The following PTPRD variants were observed in gnomAD, a reference collection of about 807,000 sequenced individuals.
PTPRD encodes the protein protein tyrosine phosphatase receptor type D, also known as receptor-type tyrosine-protein phosphatase delta.
A neutral mutation model predicts 214.5 loss-of-function variants in PTPRD; 34 were observed. That is an observed-to-expected ratio of 0.16 (90% CI 0.12 to 0.21). PTPRD has a LOEUF of 0.21. Ranked by LOEUF, PTPRD falls within the 10% of genes least tolerant of loss-of-function variation. The pLI is 1.00. For synonymous variants in PTPRD, 1,128 were observed against 845.7 expected (o/e 1.33, Z -5.79); for missense variants, 2,545 against 2,398.7 (o/e 1.06, Z -1.27).
At chr9:8,619,580 A>C (rs971170318) in intron 14 of PTPRD, among the ~76,000 whole-genome samples, 1 of 151,984 alleles carries the variant, frequency 6.6e-6, no homozygotes, top group Non-Finnish European at 1.5e-5. Context: ...GTCTTCTTTA[A>C]TGCCTTTTTA....
intron 35 of PTPRD, among the ~76,000 whole-genome samples, chr9:8,431,840 C>T (rs1449622109): frequency 6.6e-6 from 1 of 152,192 alleles, no homozygotes; most frequent in Non-Finnish European, 1.5e-5. Flanking sequence ...ATGCTGGCCT[C>T]ATAAAATGAG....
chr9:9,061,143 G>C (rs377496069), intron 10 of PTPRD, among the ~76,000 whole-genome samples: 1 of 152,166 alleles, frequency 6.6e-6, no homozygotes, highest in East Asian at 1.9e-4. Context: ...GAGACTGTCA[G>C]GGTACCGGCT....
intron 35 of PTPRD, among the ~76,000 whole-genome samples, chr9:8,411,324 T>C (rs1397764908): frequency 6.6e-6 from 1 of 152,142 alleles, no homozygotes; most frequent in Non-Finnish European, 1.5e-5. Flanking sequence ...TTTATTTTTT[T>C]TGTGGCAGGG....
At chr9:9,079,707 G>A (rs1190822415) in intron 10 of PTPRD, among the ~76,000 whole-genome samples, 3 of 152,066 alleles carry the variant, frequency 2.0e-5, no homozygotes, top group East Asian at 1.9e-4. Context: ...ACAGCTGACA[G>A]AAACACTTTA....
At chr9:8,835,918 G>C (rs953551205) in intron 11 of PTPRD, among the ~76,000 whole-genome samples, 1 of 152,066 alleles carries the variant, frequency 6.6e-6, no homozygotes. Flanking sequence ...TCTCCCATTA[G>C]AATGGAAGCT....
chr9:9,353,506 A>G (rs964367113), intron 9 of PTPRD, among the ~76,000 whole-genome samples: 6 of 151,756 alleles, frequency 4.0e-5, no homozygotes, highest in African/African-American at 1.5e-4. Flanking sequence ...ACTTCTATAT[A>G]TTGCAATCTT....
At chr9:9,171,992 C>A (rs2099921753) in intron 10 of PTPRD, among the ~76,000 whole-genome samples, 1 of 152,024 alleles carries the variant, frequency 6.6e-6, no homozygotes, top group Non-Finnish European at 1.5e-5. Flanking sequence ...AAACAAGAAG[C>A]ATGTCTTTAG....
chr9:9,492,546 T>C (rs527971236), intron 8 of PTPRD, among the ~76,000 whole-genome samples: 149 of 152,112 alleles, frequency 9.8e-4, no homozygotes, highest in Non-Finnish European at 1.5e-3. Context: ...TAACAAAATA[T>C]AAAACAACAT....
chr9:9,651,424 G>C (rs970129830), intron 7 of PTPRD, among the ~76,000 whole-genome samples: 2 of 152,050 alleles, frequency 1.3e-5, no homozygotes, highest in Non-Finnish European at 2.9e-5. Context: ...ACCTTAGGGA[G>C]TGTTGTTCCC....
At chr9:8,374,428 G>A (rs191221388) in intron 39 of PTPRD, among the ~76,000 whole-genome samples, 1 of 151,904 alleles carries the variant, frequency 6.6e-6, no homozygotes, top group East Asian at 1.9e-4. Flanking sequence ...CTACTTTCAT[G>A]ATGTAAAACC....
chr9:8,448,810 A>G (rs2133389305), intron 34 of PTPRD, among the ~76,000 whole-genome samples: 1 of 152,336 alleles, frequency 6.6e-6, no homozygotes, highest in South Asian at 2.1e-4. Flanking sequence ...AGTGTATCAT[A>G]CTGTGAATCA....
At chr9:9,064,573 TCAAGGGATAAAAA>T (rs2099721319) in intron 10 of PTPRD, among the ~76,000 whole-genome samples, 1 of 152,152 alleles carries the variant, frequency 6.6e-6, no homozygotes, top group South Asian at 2.1e-4. Context: ...GCATACAACA[TCAAGGGATAAAAA>T]AGTCCATTAT....
intron 33 of PTPRD, among the ~76,000 whole-genome samples, chr9:8,457,477 A>G (rs1418072768): frequency 6.6e-6 from 1 of 152,092 alleles, no homozygotes; most frequent in Non-Finnish European, 1.5e-5. Context: ...CTGATTATCA[A>G]TGTATTATAG....
intron 4 of PTPRD, among the ~76,000 whole-genome samples, chr9:10,029,243 C>G (rs1292082667): frequency 3.3e-5 from 5 of 152,192 alleles, no homozygotes; most frequent in Non-Finnish European, 2.9e-5. Flanking sequence ...CATGGAGAAC[C>G]TCTGCTAGGG....
chr9:10,551,475 T>C (rs1270770328), intron 2 of PTPRD, among the ~76,000 whole-genome samples: 1 of 151,824 alleles, frequency 6.6e-6, no homozygotes, highest in Non-Finnish European at 1.5e-5. Flanking sequence ...TATTAGGGAG[T>C]AGAGACTTTT....
intron 3 of PTPRD, among the ~76,000 whole-genome samples, chr9:10,331,827 C>G (rs1051876225): frequency 1.3e-5 from 2 of 151,806 alleles, no homozygotes; most frequent in African/African-American, 4.8e-5. Context: ...CTCATGATCA[C>G]TTTCAGTTGG....
Position 10,142,281 on chromosome 9 carries a change from A to C in PTPRD, c.-544-108491T>G, listed in dbSNP as rs1214140758. ...AAGCCAAAATTGACAAATGGGATCT[A>C]ATTAAACTAAAGAGCTTCTGCACAG... On this transcript the variant is annotated intron_variant, in intron 3 of 45. Transcript: ENST00000381196. 2.6e-4 allele frequency among the ~76,000 whole-genome samples: 39 copies of C among 151,256 alleles called. 1 individual carries two copies. The highest frequency in any genetic ancestry group is 7.8e-4 in the East Asian group (4 of 5,122).
intron 12 of PTPRD, among the ~76,000 whole-genome samples, chr9:8,691,449 G>C (rs1169019888): frequency 6.7e-6 from 1 of 149,740 alleles, no homozygotes; most frequent in Non-Finnish European, 1.5e-5. Context: ...TGTCTGTTTT[G>C]AACAAGGGAT....
intron 3 of PTPRD, among the ~76,000 whole-genome samples, chr9:10,264,908 G>A (rs1247905243): frequency 6.6e-6 from 1 of 152,122 alleles, no homozygotes; most frequent in East Asian, 1.9e-4. Context: ...CTGTTCTCAT[G>A]GTAGTGAATA....
Sources: allele counts gnomAD v4.1 joint callset (sites outside exome capture counted in the v4.1 genomes callset), GRCh38; gene constraint gnomAD v4.1.1; transcripts MANE v1.5; gene names NCBI Gene and HGNC (gene_info 2026-07-23, HGNC 2026-07-21).